Variants in SMG6 observed in about 807,000 individuals in gnomAD.
SMG6 encodes SMG6 nonsense mediated mRNA decay factor.
A neutral mutation model predicts 142.2 loss-of-function variants in SMG6; 66 were observed. The ratio of observed to expected loss-of-function variants is 0.46; its 90% CI spans 0.38 to 0.57. The LOEUF is 0.57. Among genes scored for constraint, SMG6 ranks in the 20% least tolerant of loss-of-function variants. The probability of loss-of-function intolerance (pLI) is 0.00; values close to 1 mark genes in which losing one functional copy is unlikely to be tolerated. For synonymous variants in SMG6, 779 were observed against 702.4 expected (o/e 1.11, Z -1.72); for missense variants, 1,793 against 1,832.0 (o/e 0.98, Z 0.39).
At chr17:2,225,107 TAGTATACTTCAGGCAGA>T (rs2073277919) in intron 10 of SMG6, among the ~76,000 whole-genome samples, 1 of 152,072 alleles carries the variant, frequency 6.6e-6, no homozygotes, top group Non-Finnish European at 1.5e-5. Context: ...TAAATATAAA[TAGTATACTTCAGGCAGA>T]AAGAAAATGA....
intron 8 of SMG6, among the ~76,000 whole-genome samples, chr17:2,273,531 G>C (rs2074584334): frequency 6.6e-6 from 1 of 152,228 alleles, no homozygotes; most frequent in Non-Finnish European, 1.5e-5. Context: ...TACACGGGAG[G>C]CTGAGGCAGG....
intron 13 of SMG6, among the ~76,000 whole-genome samples, chr17:2,165,089 T>A (rs1302036075): frequency 4.6e-5 from 7 of 152,100 alleles, no homozygotes. Context: ...GCTCATGAGG[T>A]AGACACAGAC....
intron 11 of SMG6, 23 bp from the exon 12 acceptor site, chr17:2,186,854 C>G: frequency 6.2e-7 from 1 of 1,612,194 alleles, no homozygotes; most frequent in South Asian, 1.1e-5. Flanking sequence ...AGGGTGAGAA[C>G]TGGGCCTATG....
In SMG6 at chr17:2,282,868, C is replaced by T; in HGVS notation, c.2449-9G>A. ...TTTTCCATCTGTTCTGCCTATATAA[C>T]ATACAAACACATTAGCTCATGGCCT... On this transcript the variant is annotated splice_polypyrimidine_tract_variant and intron_variant, in intron 7 of 18. Transcript: ENST00000263073. 3.1e-6 allele frequency: 5 copies of T among 1,613,606 alleles called. No individual in the cohort carries two copies. The highest frequency in any genetic ancestry group is 4.2e-6 in the Non-Finnish European group (5 of 1,179,576).
At chr17:2,279,220 G>A (rs1478022359) in intron 8 of SMG6, among the ~76,000 whole-genome samples, 2 of 152,196 alleles carry the variant, frequency 1.3e-5, no homozygotes, top group Admixed American at 6.6e-5. Flanking sequence ...CCAGTGAGAG[G>A]TAAGAGCGGT....
chr17:2,255,063 A>G (rs1039650003), intron 8 of SMG6, among the ~76,000 whole-genome samples: 1 of 152,110 alleles, frequency 6.6e-6, no homozygotes, highest in African/African-American at 2.4e-5. Context: ...ATTCTGTAAG[A>G]AAGTCTGGAG....
intron 13 of SMG6, among the ~76,000 whole-genome samples, chr17:2,102,726 A>G (rs141080938): frequency 2.0e-4 from 30 of 152,084 alleles, no homozygotes; most frequent in African/African-American, 6.8e-4. Context: ...CATGCTGTTC[A>G]ACAGATCTCA....
At chr17:2,120,980 A>C (rs1043542965) in intron 13 of SMG6, among the ~76,000 whole-genome samples, 3 of 152,172 alleles carry the variant, frequency 2.0e-5, no homozygotes, top group African/African-American at 7.2e-5. Context: ...CTTAAAAAAA[A>C]GCGGGGGGCA....
At chr17:2,099,050 TTG>T (rs1183674007) in intron 13 of SMG6, among the ~76,000 whole-genome samples, 1 of 152,132 alleles carries the variant, frequency 6.6e-6, no homozygotes, top group Non-Finnish European at 1.5e-5. Flanking sequence ...GTGTGTGTGT[TTG>T]TGTGTGTGCT....
At chr17:2,257,731 T>A (rs2074215679) in intron 8 of SMG6, among the ~76,000 whole-genome samples, 1 of 151,910 alleles carries the variant, frequency 6.6e-6, no homozygotes, top group African/African-American at 2.4e-5. Flanking sequence ...ACATTGAAAT[T>A]TTCCTGGCTG....
chr17:2,172,591 A>C, intron 13 of SMG6, 67 bp downstream of exon 13: 2 of 1,555,406 alleles, frequency 1.3e-6, no homozygotes, highest in Non-Finnish European at 1.8e-6. Context: ...AAACTTCCCA[A>C]GAATAAAAAA....
At chr17:2,303,394 G>A (rs1177478804) in intron 1 of SMG6, 6 of 1,245,604 alleles carry the variant, frequency 4.8e-6, no homozygotes, top group African/African-American at 3.1e-5. Flanking sequence ...GCGAGAAAGA[G>A]GGTGGAGGCA....
intron 6 of SMG6, among the ~76,000 whole-genome samples, chr17:2,291,210 A>G (rs1252433524): frequency 1.3e-5 from 2 of 152,152 alleles, no homozygotes; most frequent in African/African-American, 4.8e-5. Flanking sequence ...GGGCGCCTGT[A>G]GTCCCAGCTA....
At chr17:2,303,604 C>T (rs1049712459) in intron 1 of SMG6, 29 bp downstream of exon 1, 2 of 1,414,452 alleles carry the variant, frequency 1.4e-6, no homozygotes, top group African/African-American at 1.5e-5. Flanking sequence ...CGGGCAGGCC[C>T]GGCCCAGGAG....
intron 13 of SMG6, among the ~76,000 whole-genome samples, chr17:2,110,026 G>A (rs116944070): frequency 0.02 from 2,907 of 146,328 alleles, 61 homozygotes; most frequent in South Asian, 0.065. Flanking sequence ...AGGTTGCAGT[G>A]AGCAGAGATT....
intron 4 of SMG6, 58 bp from the exon 5 acceptor site, chr17:2,293,035 A>T: frequency 1.7e-6 from 2 of 1,167,810 alleles, no homozygotes; most frequent in Non-Finnish European, 2.6e-6. Flanking sequence ...TCAACCCTCA[A>T]AGGACAGGGA....
chr17:2,198,872 G>A (rs1430907769), intron 10 of SMG6, among the ~76,000 whole-genome samples: 1 of 151,130 alleles, frequency 6.6e-6, no homozygotes, highest in African/African-American at 2.4e-5. Flanking sequence ...CTGAGCTGGT[G>A]GAGATGCCCA....
chr17:2,169,551 GCCGAGTACAGAGTGTTT>G (rs2071441639), intron 13 of SMG6, among the ~76,000 whole-genome samples: 2 of 152,210 alleles, frequency 1.3e-5, no homozygotes, highest in African/African-American at 4.8e-5. Flanking sequence ...GAGGCACACA[GCCGAGTACAGAGTGTTT>G]CCGGTTAAGA....
At chr17:2,262,666 T>C (rs2074341969) in intron 8 of SMG6, among the ~76,000 whole-genome samples, 1 of 152,256 alleles carries the variant, frequency 6.6e-6, no homozygotes, top group Non-Finnish European at 1.5e-5. Flanking sequence ...GTTAATCTCT[T>C]TTACCTCTGT....
Sources: gnomAD v4.1 joint callset for allele counts (sites outside exome capture counted in the v4.1 genomes callset) on GRCh38, gnomAD v4.1.1 for gene constraint, MANE v1.5 for transcripts, NCBI Gene and HGNC (gene_info 2026-07-23, HGNC 2026-07-21) for gene names.